The following PTK2 variants were observed in gnomAD, a reference collection of about 807,000 sequenced individuals.
PTK2 encodes the protein focal adhesion kinase 1.
PTK2 carries 45 observed loss-of-function variants against 150.1 expected under a neutral mutation model. That is an observed-to-expected ratio of 0.30 (90% confidence interval 0.24 to 0.38). The LOEUF (loss-of-function observed/expected upper bound fraction) is 0.38. Ranked by LOEUF, PTK2 falls within the 10% of genes least tolerant of loss-of-function variation. The pLI is 1.00. For missense variants in PTK2, 919 were observed against 1,307.3 expected (o/e 0.70, Z 4.58); for synonymous variants, 432 against 449.2 (o/e 0.96, Z 0.48).
At position 140,983,176 on chromosome 8, in the gene PTK2, CAGG is replaced by C. The variant is rs2100192097; in HGVS notation, c.-122+17946_-122+17948del. On this transcript the variant is annotated intron_variant, in intron 1 of 31. Transcript: ENST00000522684. ...CCAAGGCAGGCGGATCTTCTGAGGT[CAGG>C]AGTTTGAGACCAGCCTGGCCAACAG... Among the ~76,000 whole-genome samples, 7 of 152,146 alleles carry C rather than the reference CAGG, an allele frequency of 4.6e-5. No individual in the cohort carries two copies. The South Asian group carries it at 1.5e-3, about 32-fold the overall frequency.
chr8:140,740,186 CT>C lies in PTK2; in HGVS notation c.1736-1080del, dbSNP rs200919950. 2.1e-3 allele frequency among the ~76,000 whole-genome samples: 324 copies of C among 152,230 alleles called. 1 individual carries two copies. The highest frequency in any genetic ancestry group is 7.5e-3 in the African/African-American group (312 of 41,540). Reference sequence around the variant, plus strand: ...TTCTCAAGATGAACAATCCCGAGTCCTTTTTTTCAAGGAATGCTCATTCTAA... The same window carrying C: ...TTCTCAAGATGAACAATCCCGAGTCCTTTTTTCAAGGAATGCTCATTCTAA... On this transcript the variant is annotated intron_variant, in intron 20 of 31. Transcript: ENST00000522684.
chr8:140,898,340 T>C (rs539862850), intron 2 of PTK2, among the ~76,000 whole-genome samples: 1 of 152,334 alleles, frequency 6.6e-6, no homozygotes, highest in South Asian at 2.1e-4. Flanking sequence ...GTCTGCTGAC[T>C]ACACTTTACT....
intron 7 of PTK2, among the ~76,000 whole-genome samples, chr8:140,839,283 T>C (rs1178175288): frequency 6.6e-6 from 1 of 152,176 alleles, no homozygotes; most frequent in African/African-American, 2.4e-5. Flanking sequence ...CATCATTTCC[T>C]GGCTCTTGCC....
chr8:140,962,491 C>A lies in PTK2; in HGVS notation c.-121-36742G>T, dbSNP rs114294718. Among the ~76,000 whole-genome samples the A allele has an allele frequency of 4.3e-3, 650 of 152,214 alleles. 9 individuals are homozygous for A. Among genetic ancestry groups the A allele is most frequent in the African/African-American group, 0.015 (609 of 41,516 alleles). On this transcript the variant is annotated intron_variant, in intron 1 of 31. Transcript: ENST00000522684. ...CATACTCTGTGAGGGGCCTGAGGGG[C>A]CTCCTGTATAGGACACACAGCTCGA...
At chr8:140,663,082 T>C (rs551790664) in intron 31 of PTK2, 9 of 249,244 alleles carry the variant, frequency 3.6e-5, no homozygotes, top group African/African-American at 2.0e-4. Flanking sequence ...GTGCATTACA[T>C]CATGTTAAAG....
chr8:140,702,419 A>G (rs2100031161), intron 25 of PTK2, 151 bp downstream of exon 28: 3 of 964,702 alleles, frequency 3.1e-6, no homozygotes, highest in Admixed American at 4.8e-5. Flanking sequence ...GGGTCTCGCT[A>G]TGTTGCCCAG....
rs577137030 is a variant in PTK2, at chr8:140,853,907, A to G, written c.451-7229T>C. Among the ~76,000 whole-genome samples, 3 of 152,364 alleles carry G rather than the reference A, an allele frequency of 2.0e-5. No homozygotes were observed. The South Asian group carries it at 6.2e-4, about 32-fold the overall frequency. ...TCTTAGACCTGCAATTTCAAAATGTATCTTAACGACAGCTTTAAGGCCAAG... is the reference window on the plus strand; with the variant it reads ...TCTTAGACCTGCAATTTCAAAATGTGTCTTAACGACAGCTTTAAGGCCAAG... On this transcript the variant is annotated intron_variant, in intron 5 of 31. Transcript: ENST00000522684.
chr8:140,735,024 AT>A, intron 22 of PTK2: 1 of 567,072 alleles, frequency 1.8e-6, no homozygotes, highest in Non-Finnish European at 3.1e-6. Context: ...GGGGAGAGAG[AT>A]TTGACCATAA....
chr8:140,732,388 A>T (rs565550136), intron 22 of PTK2, among the ~76,000 whole-genome samples: 1 of 152,202 alleles, frequency 6.6e-6, no homozygotes, highest in Non-Finnish European at 1.5e-5. Context: ...TATTTAAAGT[A>T]ATTATATGTA....
chr8:140,732,938 C>A (rs539029404), intron 22 of PTK2, among the ~76,000 whole-genome samples: 1 of 152,206 alleles, frequency 6.6e-6, no homozygotes, highest in East Asian at 1.9e-4. Context: ...AGTTTAGCTA[C>A]TGTGTGTGAA....
intron 20 of PTK2, among the ~76,000 whole-genome samples, chr8:140,740,862 G>T (rs2100055254): frequency 6.6e-6 from 1 of 152,234 alleles, no homozygotes; most frequent in African/African-American, 2.4e-5. Context: ...GTGACAGGTA[G>T]CTGGGCACAG....
At chr8:140,886,914 A>G (rs567668749) in intron 3 of PTK2, among the ~76,000 whole-genome samples, 1 of 152,276 alleles carries the variant, frequency 6.6e-6, no homozygotes, top group South Asian at 2.1e-4. Flanking sequence ...CTGAATTATC[A>G]CTGCCATGTT....
intron 25 of PTK2, among the ~76,000 whole-genome samples, chr8:140,702,051 G>C (rs13260666): frequency 0.39 from 56,371 of 144,896 alleles, 12,058 homozygotes; most frequent in Non-Finnish European, 0.49. Context: ...TTGCTTGAAC[G>C]TGGGAGGCGG....
chr8:140,753,528 T>G (rs2100063958), intron 16 of PTK2, among the ~76,000 whole-genome samples: 2 of 150,874 alleles, frequency 1.3e-5, no homozygotes, highest in African/African-American at 2.4e-5. Context: ...ATGAGAGAGG[T>G]CCAAGGACTG....
In PTK2 at chr8:140,706,066, A is replaced by C. The variant is rs548186073; in HGVS notation, c.2229+53T>G. 309 of 1,423,054 alleles carry C rather than the reference A, an allele frequency of 2.2e-4. 1 individual carries two copies. The highest frequency in any genetic ancestry group is 1.1e-4 in the Non-Finnish European group (108 of 1,011,922). 88.2% of individuals were successfully genotyped at this position (1,423,054 alleles called of 1,614,324 possible). A position where few individuals can be genotyped will look rare whatever the true frequency, so the allele number is the denominator to read the frequency against. The stretch of plus-strand genomic sequence containing the variant: ...TATGCACAATGTACCGCTCTACCCC[A>C]AAAGCGCTAAATAATAAAATAACAC... On this transcript the variant is annotated intron_variant, in intron 24 of 31. Coordinates refer to ENST00000522684, the Ensembl canonical transcript of PTK2.
At chr8:140,734,729 C>T (rs771398189) in intron 22 of PTK2, 17 of 517,472 alleles carry the variant, frequency 3.3e-5, no homozygotes, top group South Asian at 1.1e-4. Context: ...TTCTCTCTTT[C>T]GGGGCAGGGT....
At chr8:140,914,620 T>C (rs1332346952) in intron 2 of PTK2, among the ~76,000 whole-genome samples, 1 of 152,126 alleles carries the variant, frequency 6.6e-6, no homozygotes, top group Non-Finnish European at 1.5e-5. Flanking sequence ...TGTTCCCTTC[T>C]TCGTAGAACA....
intron 14 of PTK2, among the ~76,000 whole-genome samples, chr8:140,773,132 C>T (rs1055954778): frequency 6.6e-6 from 1 of 152,192 alleles, no homozygotes; most frequent in Non-Finnish European, 1.5e-5. Context: ...TTTATACTAA[C>T]TTAAAAAGTG....
intron 1 of PTK2, among the ~76,000 whole-genome samples, chr8:140,977,282 A>T (rs1476268646): frequency 6.6e-6 from 1 of 151,968 alleles, no homozygotes; most frequent in Non-Finnish European, 1.5e-5. Flanking sequence ...AGTCCCAGAA[A>T]CTCAGAAGGC....
Sources: gnomAD v4.1 joint callset for allele counts (sites outside exome capture counted in the v4.1 genomes callset) on GRCh38, gnomAD v4.1.1 for gene constraint, MANE v1.5 for transcripts, NCBI Gene and HGNC (gene_info 2026-07-23, HGNC 2026-07-21) for gene names.